The following CERS6 variants were observed in gnomAD, a reference collection of about 807,000 sequenced individuals.
CERS6 encodes the protein LAG1 homolog, ceramide synthase 6.
A neutral mutation model predicts 56.8 loss-of-function variants in CERS6; 26 were observed. The ratio of observed to expected loss-of-function variants is 0.46; its 90% confidence interval spans 0.34 to 0.63. CERS6 has a LOEUF of 0.63. Among genes scored for constraint, CERS6 ranks in the 30% least tolerant of loss-of-function variants. CERS6 has a pLI of 0.01. For synonymous variants in CERS6, 164 were observed against 173.3 expected (o/e 0.95, Z 0.42); for missense variants, 415 against 467.5 (o/e 0.89, Z 1.04).
At chr2:168,720,220 G>A (rs1004458715) in intron 8 of CERS6, among the ~76,000 whole-genome samples, 69 of 151,858 alleles carry the variant, frequency 4.5e-4, no homozygotes, top group African/African-American at 1.5e-3. Flanking sequence ...ATGAGCCACC[G>A]TGCCTGGCCC....
At chr2:168,742,668 G>A (rs1683950522) in intron 8 of CERS6, among the ~76,000 whole-genome samples, 1 of 152,184 alleles carries the variant, frequency 6.6e-6, no homozygotes. Context: ...CAGGCAGAGG[G>A]AACCACTAAT....
In CERS6 at chr2:168,539,776, G is replaced by A. The variant is rs141538084; in HGVS notation, c.171-7820G>A. ...GGACGTGTTAGTAGTTCAGCAATGC[G>A]TTGACTCAGTTACCTCTCCCCACTT... On this transcript the variant is annotated intron_variant, in intron 1 of 9. Transcript: ENST00000305747. Among the ~76,000 whole-genome samples the A allele has an allele frequency of 2.8e-3, 432 of 152,280 alleles. 1 individual carries two copies. Among genetic ancestry groups the A allele is most frequent in the African/African-American group, 9.5e-3 (394 of 41,560 alleles).
At chr2:168,584,015 C>T (rs530913822) in intron 3 of CERS6, among the ~76,000 whole-genome samples, 1 of 152,348 alleles carries the variant, frequency 6.6e-6, no homozygotes, top group South Asian at 2.1e-4. Context: ...CCTTCCAACA[C>T]TCTCATTGGG....
Position 168,755,936 on chromosome 2 carries a change from C to T in CERS6, c.846-9656C>T, listed in dbSNP as rs543979311. Among the ~76,000 whole-genome samples the T allele has an allele frequency of 2.0e-5, 3 of 152,302 alleles. No individual in the cohort carries two copies. The South Asian group carries it at 6.2e-4, about 32-fold the overall frequency. ...TGTGTTTGGTCTCTGTTTTTCTCAC[C>T]TCTGCAAAACATACCATTGAAATCT... On this transcript the variant is annotated intron_variant, in intron 8 of 9. Transcript: ENST00000305747.
At chr2:168,514,829 A>T (rs746903177) in intron 1 of CERS6, among the ~76,000 whole-genome samples, 19 of 152,170 alleles carry the variant, frequency 1.2e-4, no homozygotes, top group Non-Finnish European at 2.4e-4. Flanking sequence ...ATTAGAAGGG[A>T]CCTGTGAGAT....
intron 4 of CERS6, among the ~76,000 whole-genome samples, chr2:168,683,058 A>G (rs1042486236): frequency 6.6e-6 from 1 of 152,322 alleles, no homozygotes; most frequent in Admixed American, 6.5e-5. Context: ...TAAGTCAAGG[A>G]TATGTTTTTA....
intron 3 of CERS6, among the ~76,000 whole-genome samples, chr2:168,588,652 G>C (rs995986560): frequency 1.3e-5 from 2 of 152,094 alleles, no homozygotes; most frequent in Non-Finnish European, 2.9e-5. Context: ...TTTATTTGTT[G>C]ATGGGCACTT....
intron 3 of CERS6, among the ~76,000 whole-genome samples, chr2:168,630,315 C>T (rs1251449133): frequency 7.2e-6 from 1 of 139,702 alleles, no homozygotes; most frequent in Non-Finnish European, 1.6e-5. Flanking sequence ...CACACACACA[C>T]ACACACACAC....
Position 168,676,840 on chromosome 2 carries a change from T to C in CERS6, c.466-14194T>C, listed in dbSNP as rs77609117. Among the ~76,000 whole-genome samples the C allele has an allele frequency of 1.0e-2, 1,517 of 152,296 alleles. 38 individuals are homozygous for C. The highest frequency in any genetic ancestry group is 0.034 in the African/African-American group (1,398 of 41,566). ...GAGGTTTAATGAAGTTAATGACTTT[T>C]ATGCTTCATCAAGGATAGTCATCAG... On this transcript the variant is annotated intron_variant, in intron 4 of 9. Coordinates refer to ENST00000305747, the MANE Select transcript of CERS6 (RefSeq NM_203463.3).
At chr2:168,569,657 G>A (rs993413285) in intron 3 of CERS6, among the ~76,000 whole-genome samples, 1 of 152,204 alleles carries the variant, frequency 6.6e-6, no homozygotes, top group African/African-American at 2.4e-5. Context: ...TCCGTGTTAG[G>A]CTCACATTAG....
At chr2:168,746,777 A>T (rs74901248) in intron 8 of CERS6, among the ~76,000 whole-genome samples, 1 of 40,150 alleles carries the variant, frequency 2.5e-5, no homozygotes, top group Non-Finnish European at 4.6e-5. Context: ...GGTAAAGGGT[A>T]TATATATATA....
intron 1 of CERS6, among the ~76,000 whole-genome samples, chr2:168,471,936 G>A (rs143356623): frequency 3.7e-4 from 57 of 152,232 alleles, no homozygotes; most frequent in African/African-American, 1.3e-3. Flanking sequence ...TAGTCTTTTT[G>A]TTTCTGAGGC....
At chr2:168,469,603 G>A (rs1437893541) in intron 1 of CERS6, among the ~76,000 whole-genome samples, 5 of 152,180 alleles carry the variant, frequency 3.3e-5, no homozygotes, top group Non-Finnish European at 7.3e-5. Context: ...AATGGTGGGA[G>A]TGATCTGCTT....
intron 2 of CERS6, 96 bp downstream of exon 2, chr2:168,547,797 C>A: frequency 1.2e-6 from 1 of 845,278 alleles, no homozygotes; most frequent in Non-Finnish European, 2.0e-6. Context: ...GGAGAATCAA[C>A]TTTTGCCTAG....
chr2:168,616,911 A>G (rs941991463), intron 3 of CERS6, among the ~76,000 whole-genome samples: 1 of 152,202 alleles, frequency 6.6e-6, no homozygotes, highest in Non-Finnish European at 1.5e-5. Flanking sequence ...ACAACATGCT[A>G]CCCAACAACC....
intron 3 of CERS6, among the ~76,000 whole-genome samples, chr2:168,564,577 G>A (rs1695851185): frequency 6.6e-6 from 1 of 152,178 alleles, no homozygotes; most frequent in African/African-American, 2.4e-5. Context: ...TCTTTTGCTT[G>A]TTTAATGTCA....
chr2:168,587,147 T>C (rs945901426), intron 3 of CERS6, among the ~76,000 whole-genome samples: 3 of 151,102 alleles, frequency 2.0e-5, no homozygotes, highest in Non-Finnish European at 3.0e-5. Flanking sequence ...CCAGTGCAGC[T>C]GGGCTGAGCG....
chr2:168,569,798 T>C (rs1166578933), intron 3 of CERS6, among the ~76,000 whole-genome samples: 1 of 152,122 alleles, frequency 6.6e-6, no homozygotes, highest in East Asian at 1.9e-4. Context: ...CTCGGGTATT[T>C]GGGAGGGTTG....
intron 8 of CERS6, among the ~76,000 whole-genome samples, chr2:168,763,803 T>C (rs1311979467): frequency 1.3e-4 from 20 of 152,122 alleles, no homozygotes; most frequent in African/African-American, 4.8e-4. Flanking sequence ...TGCACTTAGG[T>C]GAGTTTTCTT....
Sources: allele counts gnomAD v4.1 joint callset (sites outside exome capture counted in the v4.1 genomes callset), GRCh38; gene constraint gnomAD v4.1.1; transcripts MANE v1.5; gene names NCBI Gene and HGNC (gene_info 2026-07-23, HGNC 2026-07-21).